The following GNA12 variants were observed in gnomAD, a reference collection of about 807,000 sequenced individuals.
GNA12 encodes G protein subunit alpha 12.
In GNA12, 9 loss-of-function variants were observed where a neutral mutation model predicts 26.0. That is an observed-to-expected ratio of 0.35 (90% CI 0.21 to 0.60). The LOEUF (loss-of-function observed/expected upper bound fraction) is 0.60. GNA12 is among the 20% of genes least tolerant of loss of function. GNA12 has a pLI of 0.78. For missense variants in GNA12, 405 were observed against 525.8 expected, an observed-to-expected ratio of 0.77 and a Z score of 2.25; for synonymous variants, 264 against 219.6, an observed-to-expected ratio of 1.20 and a Z score of -1.79.
chr7:2,810,204 A>AT (rs1258572337), intron 1 of GNA12, among the ~76,000 whole-genome samples: 1 of 152,194 alleles, frequency 6.6e-6, no homozygotes, highest in African/African-American at 2.4e-5. Flanking sequence ...GGACTCTAAG[A>AT]TGGAGACTGG....
At chr7:2,762,982 C>T (rs950651231) in intron 2 of GNA12, 4 of 1,341,234 alleles carry the variant, frequency 3.0e-6, no homozygotes, top group Admixed American at 3.8e-5. Context: ...CAGAAAGAGC[C>T]CTTGTGTGCT....
At chr7:2,746,448 T>C (rs1790767506) in intron 2 of GNA12, among the ~76,000 whole-genome samples, 1 of 152,022 alleles carries the variant, frequency 6.6e-6, no homozygotes, top group African/African-American at 2.4e-5. Context: ...AAGGCAGAAA[T>C]AAAGATGTTC....
intron 2 of GNA12, among the ~76,000 whole-genome samples, chr7:2,781,952 T>G (rs973737864): frequency 8.5e-5 from 13 of 152,202 alleles, no homozygotes; most frequent in African/African-American, 3.1e-4. Context: ...GTTCCTGGCA[T>G]AAGCATAGAT....
At chr7:2,776,330 C>A (rs1028815425) in intron 2 of GNA12, among the ~76,000 whole-genome samples, 9 of 152,206 alleles carry the variant, frequency 5.9e-5, no homozygotes, top group African/African-American at 2.2e-4. Flanking sequence ...ATAGAAAGAA[C>A]AGAACAGAAG....
At chr7:2,812,720 C>G (rs1646344999) in intron 1 of GNA12, among the ~76,000 whole-genome samples, 2 of 126,958 alleles carry the variant, frequency 1.6e-5, no homozygotes, top group Non-Finnish European at 1.8e-5. Flanking sequence ...TCCTGTCAGT[C>G]ACAGCCACCT....
chr7:2,757,806 C>G lies in GNA12; in HGVS notation c.526-24305G>C, dbSNP rs115187003. Among the ~76,000 whole-genome samples the G allele has an allele frequency of 3.1e-3, 475 of 152,310 alleles. 3 individuals are homozygous for G. The highest frequency in any genetic ancestry group is 0.011 in the African/African-American group (458 of 41,562). ...AGGGACCTCTTGCACTTAGTACGTA[C>G]TGAACGCTTGCTGAGTCAATGAAGA... On this transcript the variant is annotated intron_variant, in intron 2 of 3. Transcript: ENST00000275364.
At chr7:2,821,155 A>C (rs1793339183) in intron 1 of GNA12, among the ~76,000 whole-genome samples, 1 of 152,266 alleles carries the variant, frequency 6.6e-6, no homozygotes, top group Non-Finnish European at 1.5e-5. Flanking sequence ...TGTTCTGCTT[A>C]TTCTTGGCTT....
At position 2,809,591 on chromosome 7, in the gene GNA12, T is replaced by C. The variant is rs551052291; in HGVS notation, c.310-14448A>G. 1.1e-4 allele frequency among the ~76,000 whole-genome samples: 17 copies of C among 152,184 alleles called. 1 individual carries two copies. In the South Asian group the frequency reaches 3.1e-3, roughly 28 times the overall value. On this transcript the variant is annotated intron_variant, in intron 1 of 3. Coordinates refer to ENST00000275364, the MANE Select transcript of GNA12 (RefSeq NM_007353.3). ...TCCTTTTCGTATGTCAAAGACAAAATTAAAAAGCCGGCTACTCTGGGTACA... is the reference window on the plus strand; with the variant it reads ...TCCTTTTCGTATGTCAAAGACAAAACTAAAAAGCCGGCTACTCTGGGTACA...
chr7:2,808,335 T>G (rs1236013908), intron 1 of GNA12, among the ~76,000 whole-genome samples: 1 of 152,238 alleles, frequency 6.6e-6, no homozygotes, highest in East Asian at 1.9e-4. Flanking sequence ...CAGGCCCTGC[T>G]ACCATGCTGC....
chr7:2,806,444 C>G (rs1330743419), intron 1 of GNA12, among the ~76,000 whole-genome samples: 6 of 114,666 alleles, frequency 5.2e-5, no homozygotes, highest in East Asian at 2.4e-4. Context: ...GGGGATAGAG[C>G]GAGACTCTGT....
intron 2 of GNA12, among the ~76,000 whole-genome samples, chr7:2,787,721 G>A (rs184109723): frequency 3.5e-4 from 53 of 152,358 alleles, no homozygotes; most frequent in East Asian, 1.2e-3. Flanking sequence ...GGAAGGGGGA[G>A]AGGCCGGGGG....
At chr7:2,840,576 T>C (rs1778963521) in intron 1 of GNA12, among the ~76,000 whole-genome samples, 1 of 152,226 alleles carries the variant, frequency 6.6e-6, no homozygotes, top group Admixed American at 6.5e-5. Context: ...GTCCCTTCCC[T>C]GGCCAAGTTT....
intron 1 of GNA12, among the ~76,000 whole-genome samples, chr7:2,824,147 C>T (rs536630335): frequency 1.8e-4 from 28 of 152,302 alleles, no homozygotes; most frequent in East Asian, 5.8e-4. Context: ...ACTCCTAACA[C>T]GCTGGTCCCA....
At chr7:2,831,140 C>T (rs1466089098) in intron 1 of GNA12, among the ~76,000 whole-genome samples, 2 of 151,760 alleles carry the variant, frequency 1.3e-5, no homozygotes, top group Admixed American at 6.6e-5. Context: ...TTAACTAGTG[C>T]GTTCCAGCAG....
At chr7:2,811,207 GCTCAGCCTAAC>G (rs763505600) in intron 1 of GNA12, among the ~76,000 whole-genome samples, 15 of 152,318 alleles carry the variant, frequency 9.8e-5, no homozygotes, top group Non-Finnish European at 1.8e-4. Flanking sequence ...AGGGAAGACG[GCTCAGCCTAAC>G]CTGGGTGGGG....
At chr7:2,814,253 G>A in intron 1 of GNA12, 1 of 883,942 alleles carries the variant, frequency 1.1e-6, no homozygotes, top group Non-Finnish European at 1.9e-6. Flanking sequence ...CTTCTTTGGA[G>A]AATCCTGACT....
intron 2 of GNA12, among the ~76,000 whole-genome samples, chr7:2,783,753 C>T (rs1422008728): frequency 2.0e-5 from 3 of 151,710 alleles, no homozygotes; most frequent in Non-Finnish European, 4.4e-5. Context: ...GGGGCAATCT[C>T]GGCTCACTGC....
intron 2 of GNA12, among the ~76,000 whole-genome samples, chr7:2,785,927 TGTG>T (rs1792347908): frequency 6.6e-6 from 1 of 152,040 alleles, no homozygotes; most frequent in Non-Finnish European, 1.5e-5. Context: ...ATTAGTCAGG[TGTG>T]GTGGCGGACG....
Position 2,731,389 on chromosome 7 carries a change from T to C in GNA12, c.938A>G (p.His313Arg). The C allele has an allele frequency of 3.7e-6, 6 of 1,613,316 alleles. No homozygotes were observed. Among genetic ancestry groups the C allele is most frequent in the Non-Finnish European group, 5.1e-6 (6 of 1,179,418 alleles). The change falls in exon 4 of 4, where the codon CAC (histidine) becomes CGC (arginine). Residue 313 changes from histidine to arginine, a missense_variant. Physicochemically the swap from His to Arg is conservative, Grantham distance 29. Coordinates refer to ENST00000275364, the MANE Select transcript of GNA12 (RefSeq NM_007353.3). The surrounding 1 kb of genome is among the most constrained non-coding windows in gnomAD (Gnocchi z 6.0). ...EKVKTVSIKKHFPDFRGDPHR... is the reference protein window; with the variant it reads ...EKVKTVSIKKRFPDFRGDPHR... ...CGGGTCGCCCCTGAAGTCCGGGAAGTGCTTCTTGATGCTCACGGTCTTCAC... is the reference window on the plus strand; with the variant it reads ...CGGGTCGCCCCTGAAGTCCGGGAAGCGCTTCTTGATGCTCACGGTCTTCAC...
Sources: gnomAD v4.1 joint callset for allele counts (sites outside exome capture counted in the v4.1 genomes callset) on GRCh38, gnomAD v4.1.1 for gene constraint, Gnocchi (gnomAD v3.1) non-coding constraint, MANE v1.5 for transcripts, NCBI Gene and HGNC (gene_info 2026-07-23, HGNC 2026-07-21) for gene names.